Variants in ANK2 observed in about 807,000 individuals in gnomAD.
ANK2 encodes ankyrin-2.
ANK2 carries 83 observed loss-of-function variants against 360.5 expected under a neutral mutation model. That is an observed-to-expected ratio of 0.23 (90% CI 0.19 to 0.28). ANK2 has a LOEUF of 0.28. Ranked by LOEUF, ANK2 falls within the 10% of genes least tolerant of loss-of-function variation. ANK2 has a pLI of 1.00. For missense variants in ANK2, 4,201 were observed against 4,795.7 expected, an observed-to-expected ratio of 0.88 and a Z score of 3.66; for synonymous variants, 1,740 against 1,759.5, an observed-to-expected ratio of 0.99 and a Z score of 0.28.
intron 4 of ANK2, among the ~76,000 whole-genome samples, chr4:113,206,548 T>C (rs1480598157): frequency 6.6e-6 from 1 of 152,196 alleles, no homozygotes. Flanking sequence ...AGGCAGGTAC[T>C]TGCATTTGAC....
At chr4:113,065,474 C>T (rs1377236588) in intron 1 of ANK2, among the ~76,000 whole-genome samples, 1 of 152,092 alleles carries the variant, frequency 6.6e-6, no homozygotes, top group African/African-American at 2.4e-5. Flanking sequence ...TTGAAATTTC[C>T]AGTTCTAACT....
chr4:112,927,860 T>C (rs542876336), intron 2 of ANK2, among the ~76,000 whole-genome samples: 2 of 152,340 alleles, frequency 1.3e-5, no homozygotes, highest in South Asian at 4.1e-4. Flanking sequence ...AATTCAAAGA[T>C]ATTCTCTTTT....
chr4:112,992,934 G>A (rs1483573291), intron 2 of ANK2, among the ~76,000 whole-genome samples: 2 of 152,260 alleles, frequency 1.3e-5, no homozygotes, highest in Non-Finnish European at 2.9e-5. Flanking sequence ...TGTTATATCT[G>A]AAAGTTTGAA....
chr4:112,956,220 A>G (rs369842545), intron 2 of ANK2, among the ~76,000 whole-genome samples: 10 of 152,240 alleles, frequency 6.6e-5, no homozygotes, highest in African/African-American at 2.4e-4. Context: ...AGCACTTATC[A>G]TGCACTATGG....
chr4:113,014,074 T>A (rs183812084), intron 2 of ANK2, among the ~76,000 whole-genome samples: 16 of 152,242 alleles, frequency 1.1e-4, no homozygotes, highest in Non-Finnish European at 2.9e-5. Flanking sequence ...TGGTTTTAGG[T>A]TGGCTGGATA....
intron 34 of ANK2, 140 bp downstream of exon 34, chr4:113,343,282 C>A: frequency 1.1e-6 from 1 of 904,862 alleles, no homozygotes. Context: ...TTTTACAGCC[C>A]TGGGAAACAA....
At chr4:113,012,469 AT>A (rs796342120) in intron 2 of ANK2, among the ~76,000 whole-genome samples, 10 of 152,266 alleles carry the variant, frequency 6.6e-5, no homozygotes, top group African/African-American at 2.4e-4. Flanking sequence ...TGGTTTAAGC[AT>A]TTGTGATATC....
At chr4:112,840,205 A>G (rs147767643) in intron 1 of ANK2, among the ~76,000 whole-genome samples, 1 of 152,266 alleles carries the variant, frequency 6.6e-6, no homozygotes, top group Non-Finnish European at 1.5e-5. Context: ...ACTGAATCAG[A>G]ATCTTGGGAT....
chr4:112,813,153 G>T (rs1049427027), upstream of ANK2, among the ~76,000 whole-genome samples: 4 of 150,882 alleles, frequency 2.7e-5, no homozygotes, highest in South Asian at 6.3e-4. Flanking sequence ...CAGGAGAATC[G>T]CTTGAACCCG....
chr4:113,177,232 C>T (rs929827644), intron 2 of ANK2, among the ~76,000 whole-genome samples: 1 of 152,162 alleles, frequency 6.6e-6, no homozygotes, highest in Non-Finnish European at 1.5e-5. Context: ...AGGCGCCCGC[C>T]ACCACGCCCG....
the ANK2 span, among the ~76,000 whole-genome samples, chr4:112,804,882 A>G: frequency 6.6e-6 from 1 of 151,928 alleles, no homozygotes; most frequent in Non-Finnish European, 1.5e-5. Flanking sequence ...GGATTGCTTG[A>G]GCCCTGGAGT....
intron 2 of ANK2, among the ~76,000 whole-genome samples, chr4:113,000,995 T>C (rs937369595): frequency 2.7e-5 from 4 of 150,440 alleles, no homozygotes; most frequent in African/African-American, 9.8e-5. Context: ...GTTGAACAGT[T>C]TTTTTCTTTC....
intron 2 of ANK2, among the ~76,000 whole-genome samples, chr4:113,027,807 G>C (rs976101578): frequency 1.3e-5 from 2 of 152,014 alleles, no homozygotes; most frequent in African/African-American, 4.8e-5. Flanking sequence ...CAAAAACAAA[G>C]CTCACATAGA....
At chr4:112,964,170 G>A (rs1431367646) in intron 2 of ANK2, among the ~76,000 whole-genome samples, 3 of 148,616 alleles carry the variant, frequency 2.0e-5, no homozygotes, top group Non-Finnish European at 4.4e-5. Flanking sequence ...CATGCAGTAA[G>A]CAATAATCAC....
At chr4:112,979,442 A>G (rs2042433572) in intron 2 of ANK2, 7 of 152,254 alleles carry the variant, frequency 4.6e-5, no homozygotes, top group Admixed American at 4.6e-4. Flanking sequence ...GAGAGCCCCT[A>G]GGTCTGGGCT....
At chr4:112,875,020 T>C (rs1304045314) in intron 1 of ANK2, among the ~76,000 whole-genome samples, 1 of 152,012 alleles carries the variant, frequency 6.6e-6, no homozygotes, top group Non-Finnish European at 1.5e-5. Context: ...TGAGAAATTA[T>C]GTACCAATTC....
intron 2 of ANK2, among the ~76,000 whole-genome samples, chr4:113,016,234 T>C (rs1243595807): frequency 6.6e-6 from 1 of 151,960 alleles, no homozygotes; most frequent in Non-Finnish European, 1.5e-5. Flanking sequence ...TTCCTGTCAT[T>C]GGGGGAAAAT....
At chr4:113,285,889 CAA>C (rs2064333580) in intron 18 of ANK2, among the ~76,000 whole-genome samples, 1 of 152,190 alleles carries the variant, frequency 6.6e-6, no homozygotes, top group Non-Finnish European at 1.5e-5. Flanking sequence ...AACGTTATAA[CAA>C]AAGACTGTAA....
At chr4:112,856,520 G>A (rs185463667) in intron 1 of ANK2, among the ~76,000 whole-genome samples, 1 of 152,282 alleles carries the variant, frequency 6.6e-6, no homozygotes, top group Non-Finnish European at 1.5e-5. Flanking sequence ...TTGAGGTCAG[G>A]GGTTCGAGAC....
Sources: allele counts gnomAD v4.1 joint callset (sites outside exome capture counted in the v4.1 genomes callset), GRCh38; gene constraint gnomAD v4.1.1; transcripts MANE v1.5; gene names NCBI Gene and HGNC (gene_info 2026-07-23, HGNC 2026-07-21).